The following ANAPC2 variants were observed in gnomAD, a reference collection of about 807,000 sequenced individuals.
ANAPC2 encodes the protein anaphase promoting complex subunit 2, also known as anaphase-promoting complex subunit 2.
Under a neutral mutation model 84.3 loss-of-function variants are expected in ANAPC2, and 29 were observed. The observed-to-expected ratio is 0.34, with a 90% CI of 0.26 to 0.47. The LOEUF is 0.47. Ranked by LOEUF, ANAPC2 falls within the 20% of genes least tolerant of loss-of-function variation. The pLI is 1.00. For missense variants in ANAPC2, 857 were observed against 1,131.7 expected, an observed-to-expected ratio of 0.76 and a Z score of 3.48; for synonymous variants, 571 against 479.4, an observed-to-expected ratio of 1.19 and a Z score of -2.50.
intron 4 of ANAPC2, among the ~76,000 whole-genome samples, chr9:137,184,632 A>G (rs1173935001): frequency 7.0e-6 from 1 of 143,630 alleles, no homozygotes; most frequent in Non-Finnish European, 1.5e-5. Context: ...CAGAGCAGAC[A>G]CGGTGAAGGC....
chr9:137,185,456 G>A (rs1222512649), intron 3 of ANAPC2, among the ~76,000 whole-genome samples: 3 of 152,144 alleles, frequency 2.0e-5, no homozygotes, highest in African/African-American at 7.2e-5. Context: ...GGGGGCCCAG[G>A]CGAGCACAAA....
chr9:137,182,002 A>C, intron 6 of ANAPC2, 140 bp from the exon 7 acceptor site: 3 of 863,150 alleles, frequency 3.5e-6, no homozygotes, highest in African/African-American at 1.7e-5. Context: ...TATGTACTAA[A>C]CACAGGCCCG....
At position 137,175,918 on chromosome 9, in the gene ANAPC2, G is replaced by A. The variant is rs576994189; in HGVS notation, c.1891-81C>T. 2.1e-5 allele frequency: 31 copies of A among 1,485,356 alleles called. No homozygotes were observed. In the East Asian group the frequency reaches 7.5e-4, roughly 36 times the overall value. The allele number at this position is 1,485,356 out of a possible 1,614,324, so 92.0% of individuals were successfully genotyped here. On this transcript the variant is annotated intron_variant, in intron 10 of 12. Coordinates refer to ENST00000323927, the MANE Select transcript of ANAPC2 (RefSeq NM_013366.4). ...GGGCTCTGCCACCTGGTACCAGTGA[G>A]AAAGGGGCTCCCAGAGCCACCTGCC...
intron 10 of ANAPC2, chr9:137,176,639 G>T (rs1156540201): frequency 1.3e-5 from 2 of 152,284 alleles, no homozygotes; most frequent in African/African-American, 4.8e-5. Flanking sequence ...CCGTCTTGGA[G>T]AATGCACACA....
rs1214936590 is a variant in ANAPC2 at position 137,180,388 on chromosome 9, A to G, written c.1687-4T>C. The G allele has an allele frequency of 6.2e-7, 1 of 1,612,470 alleles. No homozygotes were observed. The highest frequency in any genetic ancestry group is 8.5e-7 in the Non-Finnish European group (1 of 1,179,830). On this transcript the variant is annotated splice_polypyrimidine_tract_variant and splice_region_variant and intron_variant, in intron 9 of 12. Transcript: ENST00000323927. Reference sequence around the variant, plus strand: ...TGCGGCGGGAGTCCGCCATGTCCTGAGGAGGAGCCGGTGTCACGGGGGACC... The same window carrying G: ...TGCGGCGGGAGTCCGCCATGTCCTGGGGAGGAGCCGGTGTCACGGGGGACC...
At chr9:137,175,869 C>A in intron 10 of ANAPC2, 32 bp from the exon 11 acceptor site, 2 of 1,575,252 alleles carry the variant, frequency 1.3e-6, no homozygotes, top group South Asian at 2.3e-5. Flanking sequence ...ACGGGCAGCT[C>A]GGCTGCAGGG....
chr9:137,184,229 G>A (rs577347869), intron 4 of ANAPC2, among the ~76,000 whole-genome samples: 3 of 151,844 alleles, frequency 2.0e-5, no homozygotes, highest in South Asian at 2.1e-4. Context: ...CCGACATGGC[G>A]AAGGCCCTGG....
Position 137,187,663 on chromosome 9 carries a change from C to G in ANAPC2, c.558G>C (p.Gln186His). ...LYGCFLRVYMQSKRKGEGGTD... is the reference protein window; with the variant it reads ...LYGCFLRVYMHSKRKGEGGTD... ...TGCCCCCTTCCCCCTTCCTCTTACTCTGCATATAGACTCTCAAGAAGCACC... is the reference window on the plus strand; with the variant it reads ...TGCCCCCTTCCCCCTTCCTCTTACTGTGCATATAGACTCTCAAGAAGCACC... The change falls in exon 2 of 13, where the codon CAG becomes CAC. Residue 186 changes from glutamine (Q) to histidine (H), a missense_variant. By Grantham distance (24) the Gln-to-His change is conservative. This residue lies in a region of ANAPC2 where 428 missense variants were observed against 513.8 expected (regional missense o/e 0.83). Transcript: ENST00000323927. 1.9e-6 allele frequency: 3 copies of G among 1,614,086 alleles called. No homozygotes were observed. The highest frequency in any genetic ancestry group is 2.5e-6 in the Non-Finnish European group (3 of 1,180,036).
At chr9:137,184,874 C>G in intron 4 of ANAPC2, 39 bp downstream of exon 4, 9 of 1,603,400 alleles carry the variant, frequency 5.6e-6, no homozygotes, top group Non-Finnish European at 7.6e-6. Context: ...GAAGACTCCC[C>G]AGACGGGAGA....
intron 10 of ANAPC2, among the ~76,000 whole-genome samples, chr9:137,177,529 C>CGTAG (rs1834249574): frequency 1.3e-5 from 2 of 152,170 alleles, no homozygotes; most frequent in African/African-American, 2.4e-5. Context: ...GATGCATTTA[C>CGTAG]AGGCTGAGAT....
chr9:137,175,884 C>A, intron 10 of ANAPC2, 47 bp from the exon 11 acceptor site: 2 of 1,548,294 alleles, frequency 1.3e-6, no homozygotes, highest in South Asian at 1.2e-5. Flanking sequence ...GCAGGGCGCT[C>A]AGGCCCGTGG....
chr9:137,186,458 G>A (rs573823459), intron 2 of ANAPC2, 102 bp from the exon 3 acceptor site: 19 of 1,330,490 alleles, frequency 1.4e-5, no homozygotes, highest in Non-Finnish European at 1.9e-5. Context: ...AGTGCATGCA[G>A]CACACACACA....
intron 6 of ANAPC2, 149 bp from the exon 7 acceptor site, chr9:137,182,011 C>A: frequency 1.2e-6 from 1 of 805,436 alleles, no homozygotes; most frequent in South Asian, 2.2e-5. Flanking sequence ...AACACAGGCC[C>A]GTCAGACTCC....
At position 137,183,810 on chromosome 9, in the gene ANAPC2, C is replaced by T. The variant is rs1379833087; in HGVS notation, c.1049-19G>A. On this transcript the variant is annotated intron_variant, in intron 4 of 12. Transcript: ENST00000323927. ...GGGAAGTCTACAAGAAGAAGAACAT[C>T]CCTCAGGGACAGACATGGATGCGTG... is the stretch of plus-strand genomic sequence containing the variant. 4 of 1,612,058 alleles carry T rather than the reference C, an allele frequency of 2.5e-6. No homozygotes were observed. Among genetic ancestry groups the T allele is most frequent in the East Asian group, 4.5e-5 (2 of 44,860 alleles).
chr9:137,183,964 T>G (rs967464763), intron 4 of ANAPC2, among the ~76,000 whole-genome samples, 173 bp from the exon 5 acceptor site: 2 of 152,158 alleles, frequency 1.3e-5, no homozygotes, highest in Admixed American at 6.5e-5. Flanking sequence ...GCTGATGCAT[T>G]TGACCACAAT....
At chr9:137,188,376 A>G in intron 1 of ANAPC2, 40 bp downstream of exon 1, 3 of 1,583,518 alleles carry the variant, frequency 1.9e-6, no homozygotes, top group Non-Finnish European at 2.6e-6. Flanking sequence ...ACGGTCCCGG[A>G]AACTCCGCGC....
intron 10 of ANAPC2, among the ~76,000 whole-genome samples, chr9:137,179,348 C>T (rs993883280): frequency 6.6e-6 from 1 of 152,124 alleles, no homozygotes; most frequent in Non-Finnish European, 1.5e-5. Context: ...CCCCTTCCTC[C>T]CCGAGCCGAC....
In ANAPC2 at chr9:137,183,808, A is replaced by T; in HGVS notation, c.1049-17T>A. Reference sequence around the variant, plus strand: ...CTGGGAAGTCTACAAGAAGAAGAACATCCCTCAGGGACAGACATGGATGCG... The same window carrying T: ...CTGGGAAGTCTACAAGAAGAAGAACTTCCCTCAGGGACAGACATGGATGCG... On this transcript the variant is annotated splice_polypyrimidine_tract_variant and intron_variant, in intron 4 of 12. Coordinates refer to ENST00000323927, the MANE Select transcript of ANAPC2 (RefSeq NM_013366.4). The T allele has an allele frequency of 6.2e-7, 1 of 1,612,392 alleles. No individual in the cohort carries two copies. Among genetic ancestry groups the T allele is most frequent in the Non-Finnish European group, 8.5e-7 (1 of 1,179,352 alleles).
chr9:137,187,591 G>T lies in ANAPC2; in HGVS notation c.630C>A (p.Arg210=). 6.2e-7 allele frequency: 1 copy of T among 1,614,000 alleles called. No individual in the cohort carries two copies. The highest frequency in any genetic ancestry group is 8.5e-7 in the Non-Finnish European group (1 of 1,180,038). ...EGELDSRYAR[R]RYYRLLQSPL... The stretch of plus-strand genomic sequence containing the variant: ...GGCTCTGCAGGAGCCGGTAGTACCG[G>T]CGACGGGCATACCGGCTGTCCAGCT... Residue 210 remains arginine (R), a synonymous_variant, in exon 2 of 13, where the codon CGC becomes CGA. Transcript: ENST00000323927.
Sources: gnomAD v4.1 joint callset for allele counts (sites outside exome capture counted in the v4.1 genomes callset) on GRCh38, gnomAD v4.1.1 for gene constraint, gnomAD v4.1.1 regional missense constraint, MANE v1.5 for transcripts, NCBI Gene and HGNC (gene_info 2026-07-23, HGNC 2026-07-21) for gene names.